Variants in FARSB observed in about 807,000 individuals in gnomAD.
FARSB encodes phenylalanyl-tRNA synthetase subunit beta, also known as phenylalanine--tRNA ligase beta subunit.
A neutral mutation model predicts 69.6 loss-of-function variants in FARSB; 40 were observed. The ratio of observed to expected loss-of-function variants is 0.57; its 90% CI spans 0.45 to 0.75. The LOEUF (loss-of-function observed/expected upper bound fraction) is 0.75, where lower values mean the gene tolerates loss of function less well. Ranked by LOEUF, FARSB falls within the 30% of genes least tolerant of loss-of-function variation. FARSB has a pLI of 0.00. For synonymous variants in FARSB, 235 were observed against 247.2 expected (o/e 0.95, Z 0.46); for missense variants, 632 against 722.9 (o/e 0.87, Z 1.44).
intron 16 of FARSB, 152 bp from the exon 17 acceptor site, chr2:222,572,174 AT>A: frequency 1.5e-6 from 1 of 669,072 alleles, no homozygotes; most frequent in Non-Finnish European, 2.4e-6. Context: ...ACTTTCTAGT[AT>A]TTAAAAGAAG....
At chr2:222,650,809 C>T (rs1451433601) in intron 1 of FARSB, among the ~76,000 whole-genome samples, 1 of 152,106 alleles carries the variant, frequency 6.6e-6, no homozygotes, top group Non-Finnish European at 1.5e-5. Context: ...CATGGTGAGA[C>T]CCAAAGCCAG....
At chr2:222,643,132 A>G in intron 2 of FARSB, 127 bp from the exon 3 acceptor site, 1 of 519,290 alleles carries the variant, frequency 1.9e-6, no homozygotes, top group Non-Finnish European at 3.4e-6. Flanking sequence ...ACATGGGATT[A>G]TTATATCCAC....
At chr2:222,599,869 C>A in intron 16 of FARSB, 59 bp downstream of exon 16, 1 of 1,341,852 alleles carries the variant, frequency 7.5e-7, no homozygotes, top group Non-Finnish European at 9.9e-7. Flanking sequence ...TCATCAAAAA[C>A]AAGGTGTAGC....
Position 222,570,508 on chromosome 2 carries a change from A to G in FARSB, c.*1363T>C, listed in dbSNP as rs1057406552. ...CCATAAACATAATTCTTATTTCACT[A>G]TCTTTGTTAGCTACTTCTTCTTTTT... On this transcript the variant is annotated 3_prime_UTR_variant, in exon 17 of 17. Transcript: ENST00000281828. 1.3e-5 allele frequency: 2 copies of G among 151,198 alleles called. No homozygotes were observed. Among genetic ancestry groups the G allele is most frequent in the Non-Finnish European group, 2.9e-5 (2 of 67,822 alleles). The allele number at this position is 151,198 out of a possible 1,614,324, so 9.4% of individuals were successfully genotyped here.
chr2:222,593,064 T>C (rs1360134353), intron 16 of FARSB, among the ~76,000 whole-genome samples: 3 of 152,072 alleles, frequency 2.0e-5, no homozygotes, highest in Non-Finnish European at 4.4e-5. Context: ...CTATTTGCAG[T>C]TTCAAGCATC....
rs1366362293 is a variant in FARSB at position 222,570,735 on chromosome 2, C to A, written c.*1136G>T. The A allele has an allele frequency of 1.3e-5, 2 of 152,098 alleles. No homozygotes were observed. Among genetic ancestry groups the A allele is most frequent in the African/African-American group, 4.8e-5 (2 of 41,410 alleles). The allele number at this position is 152,098 out of a possible 1,614,324, so 9.4% of individuals were successfully genotyped here. ...ATGGCATTTCACCATGTTGGTCAGG[C>A]TGATCTCGAACTATTGGCCTCAAGT... On this transcript the variant is annotated 3_prime_UTR_variant, in exon 17 of 17. Transcript: ENST00000281828.
chr2:222,588,895 T>A (rs544614917), intron 16 of FARSB, among the ~76,000 whole-genome samples: 1 of 152,314 alleles, frequency 6.6e-6, no homozygotes, highest in Non-Finnish European at 1.5e-5. Context: ...TCCATGCTCA[T>A]GGATAGGAAG....
intron 2 of FARSB, chr2:222,644,587 T>C (rs961234450): frequency 6.8e-6 from 3 of 439,240 alleles, no homozygotes; most frequent in Admixed American, 4.9e-5. Flanking sequence ...GAAGATAATA[T>C]AATAACCGGA....
At chr2:222,576,854 C>T (rs529996145) in intron 16 of FARSB, among the ~76,000 whole-genome samples, 6 of 152,290 alleles carry the variant, frequency 3.9e-5, no homozygotes, top group African/African-American at 1.4e-4. Flanking sequence ...AGCTCATCAA[C>T]ATCACCTTCC....
intron 14 of FARSB, among the ~76,000 whole-genome samples, chr2:222,614,477 T>C (rs1349567889): frequency 1.3e-5 from 2 of 152,232 alleles, no homozygotes; most frequent in African/African-American, 4.8e-5. Context: ...CAAATGCATG[T>C]TTGCAAGTTT....
intron 2 of FARSB, among the ~76,000 whole-genome samples, chr2:222,646,703 T>A (rs2106242564): frequency 6.6e-6 from 1 of 152,358 alleles, no homozygotes; most frequent in South Asian, 2.1e-4. Flanking sequence ...ATCCATCTCG[T>A]CATCTTGTAA....
chr2:222,586,557 C>G (rs1310110430), intron 16 of FARSB, among the ~76,000 whole-genome samples: 1 of 152,152 alleles, frequency 6.6e-6, no homozygotes, highest in African/African-American at 2.4e-5. Context: ...TTAAAAGACA[C>G]AGACTGGCAA....
chr2:222,626,794 G>A (rs1161773709), intron 10 of FARSB, among the ~76,000 whole-genome samples: 2 of 152,152 alleles, frequency 1.3e-5, no homozygotes, highest in African/African-American at 2.4e-5. Flanking sequence ...AGCATTTTGG[G>A]AGGCCAAAGC....
At chr2:222,614,611 G>C (rs556528586) in intron 14 of FARSB, among the ~76,000 whole-genome samples, 1 of 152,306 alleles carries the variant, frequency 6.6e-6, no homozygotes, top group East Asian at 1.9e-4. Context: ...TTGGGAAGCC[G>C]AGGTAGGAGG....
intron 7 of FARSB, among the ~76,000 whole-genome samples, chr2:222,632,767 C>T (rs923672603): frequency 1.3e-5 from 2 of 151,348 alleles, no homozygotes; most frequent in African/African-American, 4.9e-5. Flanking sequence ...TAAGCCATGA[C>T]TGCACCACTG....
intron 16 of FARSB, among the ~76,000 whole-genome samples, chr2:222,582,496 A>G (rs757426551): frequency 3.3e-5 from 5 of 152,250 alleles, no homozygotes; most frequent in Non-Finnish European, 7.3e-5. Flanking sequence ...TACGTCCCTT[A>G]TTTATAGCCT....
Position 222,613,922 on chromosome 2 carries a change from G to A in FARSB, c.1351C>T (p.Arg451Cys), listed in dbSNP as rs201194901. The change falls in exon 15 of 17, where the codon CGC (arginine) becomes TGC (cysteine). Residue 451 changes from arginine to cysteine, a missense_variant. Arg to Cys is a radical substitution (Grantham distance 180, BLOSUM62 -3). Transcript: ENST00000281828. The stretch of plus-strand genomic sequence containing the variant: ...AGGAGGCCAGGAAGAAGGGTAGTGC[G>A]TGCCACCTACAGGAAAAGACATGAA... ...NPKTAEFQVA[R>C]TTLLPGLLKT... The A allele has an allele frequency of 3.7e-6, 6 of 1,606,738 alleles. No individual in the cohort carries two copies. The highest frequency in any genetic ancestry group is 3.3e-5 in the Admixed American group (2 of 59,962).
At position 222,638,224 on chromosome 2, in the gene FARSB, A is replaced by T. The variant is rs77598925; in HGVS notation, c.455+1356T>A. On this transcript the variant is annotated intron_variant, in intron 5 of 16. Coordinates refer to ENST00000281828, the MANE Select transcript of FARSB (RefSeq NM_005687.5). ...CCAAAGCTCATTAAAGAGGTTAATT[A>T]GGATTTACTGACAGAAAAGAACTCT... Among the ~76,000 whole-genome samples the T allele has an allele frequency of 2.7e-3, 413 of 152,372 alleles. 1 individual carries two copies. Among genetic ancestry groups the T allele is most frequent in the Non-Finnish European group, 3.9e-3 (262 of 68,040 alleles).
Position 222,643,004 on chromosome 2 carries a change from G to A in FARSB, c.116C>T (p.Thr39Ile), listed in dbSNP as rs771327133. The change falls in exon 3 of 17, where the codon ACA (threonine) becomes ATA (isoleucine). Residue 39 changes from threonine to isoleucine, a missense_variant and splice_region_variant. Physicochemically the swap from Thr to Ile is moderately conservative, Grantham distance 89 (BLOSUM62 -1). Transcript: ENST00000281828. ...TTTACTTATTATTTCCTTCTCAGAT[G>A]TCTAAAACAAGCCAAAAAGTAATGA... is the stretch of plus-strand genomic sequence containing the variant. Reference protein sequence around the residue: ...FEFGLELDEITSEKEIISKEQ... With the variant: ...FEFGLELDEIISEKEIISKEQ... The A allele has an allele frequency of 1.3e-6, 2 of 1,562,538 alleles. No individual in the cohort carries two copies. Among genetic ancestry groups the A allele is most frequent in the South Asian group, 1.2e-5 (1 of 84,230 alleles).
Sources: gnomAD v4.1 joint callset for allele counts (sites outside exome capture counted in the v4.1 genomes callset) on GRCh38, gnomAD v4.1.1 for gene constraint, MANE v1.5 for transcripts, NCBI Gene and HGNC (gene_info 2026-07-23, HGNC 2026-07-21) for gene names.